The following PTH2R variants were observed in gnomAD, a reference collection of about 807,000 sequenced individuals.
PTH2R encodes the protein parathyroid hormone 2 receptor.
PTH2R carries 59 observed loss-of-function variants against 60.3 expected under a neutral mutation model. The observed-to-expected ratio is 0.98, with a 90% CI of 0.79 to 1.22. PTH2R has a LOEUF of 1.22. Ranked by LOEUF, PTH2R falls within the 50% of genes most tolerant of loss-of-function variation. The pLI is 0.00. For missense variants in PTH2R, 749 were observed against 682.6 expected, an observed-to-expected ratio of 1.10 and a Z score of -1.08; for synonymous variants, 256 against 243.8, an observed-to-expected ratio of 1.05 and a Z score of -0.47.
chr2:208,469,500 G>C (rs1004731112), intron 9 of PTH2R, among the ~76,000 whole-genome samples: 1 of 152,160 alleles, frequency 6.6e-6, no homozygotes, highest in African/African-American at 2.4e-5. Context: ...AATTTGTTAA[G>C]TATGAGCAGT....
intron 1 of PTH2R, among the ~76,000 whole-genome samples, chr2:208,398,698 A>C (rs112634492): frequency 1.3e-5 from 2 of 152,324 alleles, no homozygotes; most frequent in African/African-American, 4.8e-5. Context: ...TCTTTCCATA[A>C]GTTATTGTAT....
intron 8 of PTH2R, among the ~76,000 whole-genome samples, chr2:208,451,530 T>A (rs967828330): frequency 3.3e-5 from 5 of 152,164 alleles, no homozygotes; most frequent in Non-Finnish European, 5.9e-5. Context: ...GTATATTTAG[T>A]ATATTATGAA....
At chr2:208,421,839 C>T (rs151231223) in intron 1 of PTH2R, among the ~76,000 whole-genome samples, 24 of 152,166 alleles carry the variant, frequency 1.6e-4, no homozygotes, top group African/African-American at 5.8e-4. Context: ...TATGAGAAAC[C>T]CTGAATTCCA....
chr2:208,379,104 ACT>A (rs542864351), intron 1 of PTH2R, among the ~76,000 whole-genome samples: 2 of 152,268 alleles, frequency 1.3e-5, no homozygotes, highest in South Asian at 4.1e-4. Flanking sequence ...TCAAAGTGTG[ACT>A]CTGCAGTTCA....
At chr2:208,408,742 G>GAGAGAGAGAGAGAA (rs1701476760) in intron 1 of PTH2R, among the ~76,000 whole-genome samples, 1 of 137,928 alleles carries the variant, frequency 7.3e-6, no homozygotes, top group Non-Finnish European at 1.5e-5. Context: ...GAGAGAGAAA[G>GAGAGAGAGAGAGAA]AGAGAGAGAG....
At chr2:208,486,159 G>A (rs763819758) in intron 10 of PTH2R, among the ~76,000 whole-genome samples, 3 of 152,204 alleles carry the variant, frequency 2.0e-5, no homozygotes, top group Admixed American at 6.5e-5. Context: ...TATGTGCCTG[G>A]ACTCCTAGCC....
chr2:208,420,300 GA>G lies in PTH2R; in HGVS notation c.76-7892del, dbSNP rs1212860475. ...TAAAGTATAATAATTAAAAAAAAAA[GA>G]AAAAAAAAGTGAAGTCAAAAGATAA... On this transcript the variant is annotated intron_variant, in intron 1 of 12. Coordinates refer to ENST00000272847, the MANE Select transcript of PTH2R (RefSeq NM_005048.4). 6.0e-5 allele frequency among the ~76,000 whole-genome samples: 9 copies of G among 148,972 alleles called. No homozygotes were observed. The East Asian group carries it at 1.2e-3, about 20-fold the overall frequency.
At chr2:208,423,106 T>C (rs1160478573) in intron 1 of PTH2R, among the ~76,000 whole-genome samples, 1 of 152,110 alleles carries the variant, frequency 6.6e-6, no homozygotes, top group Non-Finnish European at 1.5e-5. Context: ...CCTCTTAACT[T>C]TATGATGTCC....
chr2:208,448,966 C>A (rs1212079787), intron 7 of PTH2R, among the ~76,000 whole-genome samples: 1 of 152,016 alleles, frequency 6.6e-6, no homozygotes, highest in African/African-American at 2.4e-5. Flanking sequence ...TAATTATCAT[C>A]TAAAACATAA....
At chr2:208,407,217 T>G in intron 1 of PTH2R, 99 bp downstream of exon 1, 1 of 1,070,938 alleles carries the variant, frequency 9.3e-7, no homozygotes, top group Non-Finnish European at 1.3e-6. Flanking sequence ...AGCTCATTCA[T>G]GTTCACACGT....
At chr2:208,429,777 C>T (rs1701933819) in intron 2 of PTH2R, among the ~76,000 whole-genome samples, 1 of 152,074 alleles carries the variant, frequency 6.6e-6, no homozygotes, top group Non-Finnish European at 1.5e-5. Context: ...CTCATATTTC[C>T]TCATTCTTTT....
upstream of PTH2R, among the ~76,000 whole-genome samples, chr2:208,402,180 A>G (rs528344661): frequency 6.6e-6 from 1 of 152,122 alleles, no homozygotes. Context: ...TTGCCATTCA[A>G]AACACTTAAA....
chr2:208,459,679 T>C (rs1702592490), intron 8 of PTH2R, among the ~76,000 whole-genome samples: 1 of 152,184 alleles, frequency 6.6e-6, no homozygotes, highest in Non-Finnish European at 1.5e-5. Context: ...TATAATTCTC[T>C]ACTCATCTTC....
At chr2:208,450,173 A>C (rs1057296586) in intron 7 of PTH2R, among the ~76,000 whole-genome samples, 1 of 152,238 alleles carries the variant, frequency 6.6e-6, no homozygotes, top group African/African-American at 2.4e-5. Flanking sequence ...CGCTCAAATC[A>C]TCAGACAAAT....
chr2:208,493,204 A>G lies in PTH2R; in HGVS notation c.1258-60A>G, dbSNP rs527623929. On this transcript the variant is annotated intron_variant, in intron 12 of 12. Transcript: ENST00000272847. Reference sequence around the variant, plus strand: ...TTGAAATCAAGGCAAACATCTTTGTAACAAGGCTGCAGGGTCTCCTTTAGG... The same window carrying G: ...TTGAAATCAAGGCAAACATCTTTGTGACAAGGCTGCAGGGTCTCCTTTAGG... 6 of 1,387,502 alleles carry G rather than the reference A, an allele frequency of 4.3e-6. No individual in the cohort carries two copies. In the East Asian group the frequency reaches 1.6e-4, roughly 36 times the overall value. The allele number at this position is 1,387,502 out of a possible 1,614,324, so 85.9% of individuals were successfully genotyped here. A position where few individuals can be genotyped will look rare whatever the true frequency, so the allele number is the denominator to read the frequency against.
Position 208,481,158 on chromosome 2 carries a change from A to C in PTH2R, c.1070A>C (p.Gln357Pro), listed in dbSNP as rs1349933042. ...TNAVGHDTRK[Q>P]YRKLAKSTLV... ...GCAGTTGGGCATGACACAAGGAAGC[A>C]ATACAGGTAATTTCAGGAGAGGCAT... The change falls in exon 10 of 13, where the codon CAA becomes CCA. Residue 357 changes from glutamine (Q) to proline (P), a missense_variant. Coordinates refer to ENST00000272847, the MANE Select transcript of PTH2R (RefSeq NM_005048.4). 1.2e-6 allele frequency: 2 copies of C among 1,600,350 alleles called. No homozygotes were observed. The highest frequency in any genetic ancestry group is 1.7e-6 in the Non-Finnish European group (2 of 1,168,758).
chr2:208,377,139 T>C (rs1463204401), intron 1 of PTH2R, among the ~76,000 whole-genome samples: 2 of 152,036 alleles, frequency 1.3e-5, no homozygotes, highest in Non-Finnish European at 2.9e-5. Context: ...CCTTAATCCA[T>C]TTAACCCTGA....
chr2:208,380,508 T>C (rs1486562889), intron 1 of PTH2R, among the ~76,000 whole-genome samples: 1 of 152,140 alleles, frequency 6.6e-6, no homozygotes, highest in Non-Finnish European at 1.5e-5. Context: ...TACAATGTCT[T>C]GCCTACTTAA....
At chr2:208,365,095 A>G (rs1162451082) in intron 1 of PTH2R, among the ~76,000 whole-genome samples, 1 of 150,798 alleles carries the variant, frequency 6.6e-6, no homozygotes, top group African/African-American at 2.4e-5. Context: ...TTCTGCATAT[A>G]AGATCATGCC....
Sources: gnomAD v4.1 joint callset for allele counts (sites outside exome capture counted in the v4.1 genomes callset) on GRCh38, gnomAD v4.1.1 for gene constraint, MANE v1.5 for transcripts, NCBI Gene and HGNC (gene_info 2026-07-23, HGNC 2026-07-21) for gene names.